Variants in PCOLCE observed in about 807,000 individuals in gnomAD.
PCOLCE encodes the protein procollagen C-endopeptidase enhancer, also known as procollagen C-endopeptidase enhancer 1.
A neutral mutation model predicts 47.2 loss-of-function variants in PCOLCE; 33 were observed. The observed-to-expected ratio is 0.70, with a 90% CI of 0.53 to 0.93. The LOEUF is 0.93. Among genes scored for constraint, PCOLCE ranks in the 40% least tolerant of loss-of-function variants. The pLI is 0.00. For missense variants in PCOLCE, 584 were observed against 585.3 expected (o/e 1.00, Z 0.02); for synonymous variants, 254 against 252.5 (o/e 1.01, Z -0.06).
chr7:100,607,334 G>A, intron 6 of PCOLCE, 118 bp from the exon 7 acceptor site: 2 of 752,798 alleles, frequency 2.7e-6, no homozygotes, highest in East Asian at 2.5e-5. Context: ...ACCCCTACTG[G>A]GTGCTAGGAC....
chr7:100,604,335 C>T lies in PCOLCE; in HGVS notation c.463+118C>T. The stretch of plus-strand genomic sequence containing the variant: ...GCGCCCCAGTGCCTAGGGCCCCCTA[C>T]CTCCCTGACCCATTTTCCTCACTAA... On this transcript the variant is annotated intron_variant, in intron 3 of 8. Transcript: ENST00000223061. This position sits in a 1 kb window ranked among gnomAD's most constrained non-coding sequence, Gnocchi z 6.4. 1 of 840,656 alleles carries T rather than the reference C, an allele frequency of 1.2e-6. No homozygotes were observed. The highest frequency in any genetic ancestry group is 1.7e-5 in the South Asian group (1 of 58,292). The allele number at this position is 840,656 out of a possible 1,614,324, so 52.1% of individuals were successfully genotyped here.
Position 100,602,493 on chromosome 7 carries a change from C to G in PCOLCE, c.37C>G (p.Leu13Val). ...AGCCACAGCCTCCCTCCTGGGGCCC[C>G]TCCTCACTGCCTGCGCCCTGCTGCC... ...PAATASLLGP[L>V]LTACALLPFA... is the part of the protein sequence containing the mutation. Residue 13 changes from leucine (L) to valine (V), a missense_variant, in exon 1 of 9, where the codon CTC becomes GTC. Coordinates refer to ENST00000223061, the MANE Select transcript of PCOLCE (RefSeq NM_002593.4). 1.9e-6 allele frequency: 3 copies of G among 1,613,084 alleles called. No individual in the cohort carries two copies. The highest frequency in any genetic ancestry group is 2.5e-6 in the Non-Finnish European group (3 of 1,179,876).
At position 100,605,306 on chromosome 7, in the gene PCOLCE, T is replaced by C. The variant is rs1213924014; in HGVS notation, c.588+91T>C. On this transcript the variant is annotated intron_variant, in intron 4 of 8. Coordinates refer to ENST00000223061, the MANE Select transcript of PCOLCE (RefSeq NM_002593.4). The surrounding 1 kb of genome is among the most constrained non-coding windows in gnomAD (Gnocchi z 6.1). Reference sequence around the variant, plus strand: ...AGAGATTTATTGAAGATCTGCTGTGTCCCGAGCACTGCGCTTGCGCTGGTG... The same window carrying C: ...AGAGATTTATTGAAGATCTGCTGTGCCCCGAGCACTGCGCTTGCGCTGGTG... The C allele has an allele frequency of 7.5e-7, 1 of 1,328,994 alleles. No homozygotes were observed. Among genetic ancestry groups the C allele is most frequent in the Non-Finnish European group, 1.0e-6 (1 of 969,068 alleles). The allele number at this position is 1,328,994 out of a possible 1,614,324, so 82.3% of individuals were successfully genotyped here.
At chr7:100,603,615 C>CCCCCCCCCCCCCCCCCCCCA in intron 2 of PCOLCE, 77 bp downstream of exon 2, 1 of 638,188 alleles carries the variant, frequency 1.6e-6, no homozygotes, top group South Asian at 2.0e-5. Context: ...GGACCCCCCC[C>CCCCCCCCCCCCCCCCCCCCA]CCGTCCCCCC....
chr7:100,603,240 T>A, intron 1 of PCOLCE, 190 bp from the exon 2 acceptor site: 1 of 462,918 alleles, frequency 2.2e-6, no homozygotes. Flanking sequence ...TCCCTTATCT[T>A]TGTGGGAGTC....
Position 100,604,279 on chromosome 7 carries a change from C to G in PCOLCE, c.463+62C>G. ...GGCCCCGCCCCGGCCGCAGCCCCGC[C>G]CCCAGCCCTAACCTCCGCCCCGCCC... On this transcript the variant is annotated intron_variant, in intron 3 of 8. Coordinates refer to ENST00000223061, the MANE Select transcript of PCOLCE (RefSeq NM_002593.4). The surrounding 1 kb of genome is among the most constrained non-coding windows in gnomAD (Gnocchi z 6.4). 2 of 1,445,596 alleles carry G rather than the reference C, an allele frequency of 1.4e-6. No individual in the cohort carries two copies. The highest frequency in any genetic ancestry group is 1.9e-6 in the Non-Finnish European group (2 of 1,074,046). 89.5% of individuals were successfully genotyped at this position (1,445,596 alleles called of 1,614,324 possible).
chr7:100,605,083 C>A lies in PCOLCE; in HGVS notation c.464-8C>A. ...CCCCCCACCCCCGCTCCTCTCTCCC[C>A]TCCCCAGAGCACCAATTTTGCGGGG... On this transcript the variant is annotated splice_region_variant and splice_polypyrimidine_tract_variant and intron_variant, in intron 3 of 8. Transcript: ENST00000223061. This position sits in a 1 kb window ranked among gnomAD's most constrained non-coding sequence, Gnocchi z 6.1. 6.2e-7 allele frequency: 1 copy of A among 1,607,882 alleles called. No individual in the cohort carries two copies.
In PCOLCE at chr7:100,607,754, G is replaced by A. The variant is rs1255321651; in HGVS notation, c.1130G>A (p.Gly377Asp). The A allele has an allele frequency of 6.2e-7, 1 of 1,614,136 alleles. No homozygotes were observed. ...CTGGACCTGCCTTCTCCACCCACTGGTGCCTCCCTGAAGTTTTACGTGCCT... is the reference window on the plus strand; with the variant it reads ...CTGGACCTGCCTTCTCCACCCACTGATGCCTCCCTGAAGTTTTACGTGCCT... Reference protein sequence around the residue: ...GGLDLPSPPTGASLKFYVPCK... With the variant: ...GGLDLPSPPTDASLKFYVPCK... The change falls in exon 8 of 9, where the codon GGT becomes GAT. Residue 377 changes from glycine to aspartate, a missense_variant. Physicochemically the swap from Gly to Asp is moderately conservative, Grantham distance 94 (BLOSUM62 -1). Coordinates refer to ENST00000223061, the MANE Select transcript of PCOLCE (RefSeq NM_002593.4).
Position 100,605,041 on chromosome 7 carries a change from A to G in PCOLCE, c.464-50A>G, listed in dbSNP as rs778209896. On this transcript the variant is annotated intron_variant, in intron 3 of 8. Coordinates refer to ENST00000223061, the MANE Select transcript of PCOLCE (RefSeq NM_002593.4). The surrounding 1 kb of genome is among the most constrained non-coding windows in gnomAD (Gnocchi z 6.1). ...CCAGCCTAGAGTTCTCCTGAAGCTG[A>G]CCGAGGGTCTCCACCGCCCCCCACC... is the stretch of plus-strand genomic sequence containing the variant. The G allele has an allele frequency of 6.9e-7, 1 of 1,451,990 alleles. No homozygotes were observed. The highest frequency in any genetic ancestry group is 1.2e-5 in the South Asian group (1 of 85,336). The allele number at this position is 1,451,990 out of a possible 1,614,324, so 89.9% of individuals were successfully genotyped here.
rs1268648921 is a variant in PCOLCE at position 100,604,227 on chromosome 7, C to T, written c.463+10C>T. ...GCCACCTCGGGCACTGGTGAGAACT[C>T]CCTCACCTCCGCCTTCCCCCCCTCC... On this transcript the variant is annotated intron_variant, in intron 3 of 8. Transcript: ENST00000223061. The surrounding 1 kb of genome is among the most constrained non-coding windows in gnomAD (Gnocchi z 6.4). 1.2e-6 allele frequency: 2 copies of T among 1,603,588 alleles called. No homozygotes were observed. The highest frequency in any genetic ancestry group is 1.7e-6 in the Non-Finnish European group (2 of 1,176,562).
In PCOLCE at chr7:100,604,398, T is replaced by G; in HGVS notation, c.463+181T>G. ...TCCCTCCTCCCCGTCTTCTCTCCCC[T>G]CCTCCCGCACCCACCCATCCCTCTT... is the stretch of plus-strand genomic sequence containing the variant. On this transcript the variant is annotated intron_variant, in intron 3 of 8. Coordinates refer to ENST00000223061, the MANE Select transcript of PCOLCE (RefSeq NM_002593.4). This position sits in a 1 kb window ranked among gnomAD's most constrained non-coding sequence, Gnocchi z 6.4. 3.4e-6 allele frequency: 2 copies of G among 590,726 alleles called. No individual in the cohort carries two copies. Among genetic ancestry groups the G allele is most frequent in the South Asian group, 4.0e-5 (2 of 50,548 alleles). 36.6% of individuals were successfully genotyped at this position (590,726 alleles called of 1,614,324 possible).
chr7:100,603,238 C>T, intron 1 of PCOLCE, 192 bp from the exon 2 acceptor site: 1 of 462,042 alleles, frequency 2.2e-6, no homozygotes, highest in Non-Finnish European at 3.8e-6. Context: ...TTTCCCTTAT[C>T]TTTGTGGGAG....
At position 100,605,521 on chromosome 7, in the gene PCOLCE, G is replaced by T; in HGVS notation, c.589-155G>T. The T allele has an allele frequency of 1.1e-6, 1 of 893,264 alleles. No individual in the cohort carries two copies. Among genetic ancestry groups the T allele is most frequent in the East Asian group, 2.7e-5 (1 of 37,546 alleles). 55.3% of individuals were successfully genotyped at this position (893,264 alleles called of 1,614,324 possible). On this transcript the variant is annotated intron_variant, in intron 4 of 8. Transcript: ENST00000223061. This position sits in a 1 kb window ranked among gnomAD's most constrained non-coding sequence, Gnocchi z 6.1. ...CCCCTGCAGGGTCCCATGGGTGTGT[G>T]TGGTCCTCCGTGCTGTGGTGTGAAC...
At position 100,604,362 on chromosome 7, in the gene PCOLCE, C is replaced by A. The variant is rs1802673233; in HGVS notation, c.463+145C>A. On this transcript the variant is annotated intron_variant, in intron 3 of 8. Transcript: ENST00000223061. The surrounding 1 kb of genome is among the most constrained non-coding windows in gnomAD (Gnocchi z 6.4). ...TCCCTGACCCATTTTCCTCACTAACCGCCCCTTCAGTCCCTCCTCCCCGTC... is the reference window on the plus strand; with the variant it reads ...TCCCTGACCCATTTTCCTCACTAACAGCCCCTTCAGTCCCTCCTCCCCGTC... 3.0e-6 allele frequency: 2 copies of A among 670,164 alleles called. No homozygotes were observed. The highest frequency in any genetic ancestry group is 3.6e-5 in the African/African-American group (2 of 55,342). The allele number at this position is 670,164 out of a possible 1,614,324, so 41.5% of individuals were successfully genotyped here.
In PCOLCE at chr7:100,605,673, C is replaced by T; in HGVS notation, c.589-3C>T. The T allele has an allele frequency of 6.3e-7, 1 of 1,579,240 alleles. No individual in the cohort carries two copies. The highest frequency in any genetic ancestry group is 8.6e-7 in the Non-Finnish European group (1 of 1,162,946). ...CGCAGTCCCCGCCTCCGCCCGCCGC[C>T]AGGTCATCGCGCTGACCTTCGAGAA... On this transcript the variant is annotated splice_polypyrimidine_tract_variant and splice_region_variant and intron_variant, in intron 4 of 8. Coordinates refer to ENST00000223061, the MANE Select transcript of PCOLCE (RefSeq NM_002593.4). The surrounding 1 kb of genome is among the most constrained non-coding windows in gnomAD (Gnocchi z 6.1).
At chr7:100,603,660 G>A (rs1310698526) in intron 2 of PCOLCE, 122 bp downstream of exon 2, 2 of 570,120 alleles carry the variant, frequency 3.5e-6, no homozygotes, top group Non-Finnish European at 6.3e-6. Context: ...AGCTCCAAGT[G>A]TCTTCCCTCT....
At chr7:100,602,975 G>A (rs1388616580) in intron 1 of PCOLCE, 12 of 246,456 alleles carry the variant, frequency 4.9e-5, no homozygotes, top group African/African-American at 2.1e-4. Flanking sequence ...TGTGGAGCTC[G>A]CGGAGCCTGG....
chr7:100,607,510 T>C lies in PCOLCE; in HGVS notation c.999T>C (p.Cys333=). The C allele has an allele frequency of 6.2e-7, 1 of 1,614,128 alleles. No homozygotes were observed. Among genetic ancestry groups the C allele is most frequent in the Non-Finnish European group, 8.5e-7 (1 of 1,180,008 alleles). Residue 333 remains cysteine (C), a synonymous_variant, in exon 7 of 9, where the codon TGT becomes TGC. Coordinates refer to ENST00000223061, the MANE Select transcript of PCOLCE (RefSeq NM_002593.4). The part of the protein sequence containing the change: ...RRTGTLQSNF[C]ASSLVVTATV... The stretch of plus-strand genomic sequence containing the variant: ...CAGGCACCTTGCAGAGCAACTTCTG[T>C]GCCAGCAGCCTTGGTAAGAATACCC...
In PCOLCE at chr7:100,605,802, G is replaced by A. The variant is rs764061129; in HGVS notation, c.715G>A (p.Ala239Thr). 1.3e-6 allele frequency: 2 copies of A among 1,552,504 alleles called. No individual in the cohort carries two copies. Among genetic ancestry groups the A allele is most frequent in the Non-Finnish European group, 1.7e-6 (2 of 1,147,712 alleles). Residue 239 changes from alanine (A) to threonine (T), a missense_variant, in exon 5 of 9, where the codon GCA becomes ACA. Physicochemically the swap from Ala to Thr is moderately conservative, Grantham distance 58. Coordinates refer to ENST00000223061, the MANE Select transcript of PCOLCE (RefSeq NM_002593.4). This position sits in a 1 kb window ranked among gnomAD's most constrained non-coding sequence, Gnocchi z 6.1. ...GAGGCTGGGGAAGTTCTGCGGCGACGCAGTCCCGGGGTGAGGGGCGGGACC... is the reference window on the plus strand; with the variant it reads ...GAGGCTGGGGAAGTTCTGCGGCGACACAGTCCCGGGGTGAGGGGCGGGACC... The part of the protein sequence containing the change: ...SRRLGKFCGD[A>T]VPGSISSEGN...
Sources: allele counts gnomAD v4.1 joint callset, GRCh38; gene constraint gnomAD v4.1.1; non-coding constraint Gnocchi (gnomAD v3.1); transcripts MANE v1.5; gene names NCBI Gene and HGNC (gene_info 2026-07-23, HGNC 2026-07-21).